FAM184B: variants seen among roughly 807,000 people sequenced by gnomAD.
FAM184B encodes family with sequence similarity 184 member B, also known as protein FAM184B.
In FAM184B, 111 loss-of-function variants were observed where a neutral mutation model predicts 135.9. The ratio of observed to expected loss-of-function variants is 0.82; its 90% CI spans 0.70 to 0.96. The LOEUF (loss-of-function observed/expected upper bound fraction) is 0.96. Among genes scored for constraint, FAM184B ranks in the 40% least tolerant of loss-of-function variants. The probability of loss-of-function intolerance (pLI) is 0.00; values close to 1 mark genes in which losing one functional copy is unlikely to be tolerated. For synonymous variants in FAM184B, 552 were observed against 524.8 expected (o/e 1.05, Z -0.71); for missense variants, 1,375 against 1,323.9 (o/e 1.04, Z -0.60).
intron 14 of FAM184B, 35 bp from the exon 15 acceptor site, chr4:17,636,680 A>G: frequency 6.9e-7 from 1 of 1,454,198 alleles, no homozygotes; most frequent in Non-Finnish European, 9.3e-7. Flanking sequence ...AGTCCCCCTT[A>G]CAGCAATTAC....
chr4:17,695,255 C>T (rs1177745239), intron 5 of FAM184B, among the ~76,000 whole-genome samples: 1 of 151,880 alleles, frequency 6.6e-6, no homozygotes, highest in Non-Finnish European at 1.5e-5. Context: ...CTTGACCACC[C>T]GGGCTCAAGC....
Position 17,688,378 on chromosome 4 carries a change from G to A in FAM184B, c.1596+46C>T, listed in dbSNP as rs375460854. 1.7e-4 allele frequency: 248 copies of A among 1,431,220 alleles called. 1 individual carries two copies. In the African/African-American group the frequency reaches 2.9e-3, roughly 17 times the overall value. The allele number at this position is 1,431,220 out of a possible 1,614,324, so 88.7% of individuals were successfully genotyped here. Reference sequence around the variant, plus strand: ...CTGGGGACACTGAAAGGCTGAGACCGAGAAAAGAAATATCTTTAATTAAAT... The same window carrying A: ...CTGGGGACACTGAAAGGCTGAGACCAAGAAAAGAAATATCTTTAATTAAAT... On this transcript the variant is annotated intron_variant, in intron 7 of 17. Transcript: ENST00000265018.
intron 14 of FAM184B, among the ~76,000 whole-genome samples, chr4:17,637,037 C>CT (rs1715163508): frequency 6.6e-6 from 1 of 151,618 alleles, no homozygotes; most frequent in Admixed American, 6.6e-5. Context: ...CCTTTTTTTT[C>CT]TTTTTTGGAG....
intron 5 of FAM184B, among the ~76,000 whole-genome samples, chr4:17,694,572 A>C (rs1716811890): frequency 6.6e-6 from 1 of 152,036 alleles, no homozygotes; most frequent in African/African-American, 2.4e-5. Context: ...GTTCTAGCTT[A>C]ATTTCTGTGG....
chr4:17,720,522 C>T (rs1203089648), intron 1 of FAM184B, among the ~76,000 whole-genome samples: 1 of 151,782 alleles, frequency 6.6e-6, no homozygotes, highest in Non-Finnish European at 1.5e-5. Context: ...AAAATTGGAG[C>T]CCCTGTACAT....
At chr4:17,649,280 GGAT>G (rs1715543750) in intron 11 of FAM184B, among the ~76,000 whole-genome samples, 1 of 152,074 alleles carries the variant, frequency 6.6e-6, no homozygotes, top group Non-Finnish European at 1.5e-5. Flanking sequence ...TAGTGTATTT[GGAT>G]GATATTAAGA....
Position 17,632,325 on chromosome 4 carries a change from T to C in FAM184B, c.*207A>G. ...CCTGGACTCAAGCAGTCCATCTGCC[T>C]CAGCCTCCCAAAGTGATGGGATTAC... On this transcript the variant is annotated 3_prime_UTR_variant, in exon 18 of 18. Coordinates refer to ENST00000265018, the MANE Select transcript of FAM184B (RefSeq NM_015688.2). 2.6e-6 allele frequency: 1 copy of C among 381,318 alleles called. No individual in the cohort carries two copies. Among genetic ancestry groups the C allele is most frequent in the South Asian group, 3.6e-5 (1 of 27,876 alleles). 23.6% of individuals were successfully genotyped at this position (381,318 alleles called of 1,614,324 possible).
At chr4:17,645,700 T>C (rs1364593536) in intron 12 of FAM184B, among the ~76,000 whole-genome samples, 11 of 151,962 alleles carry the variant, frequency 7.2e-5, no homozygotes, top group Non-Finnish European at 1.6e-4. Flanking sequence ...CCAAAAGCAA[T>C]GGCAACAAAA....
intron 8 of FAM184B, among the ~76,000 whole-genome samples, chr4:17,663,740 C>T (rs1715974790): frequency 6.6e-6 from 1 of 151,932 alleles, no homozygotes; most frequent in Non-Finnish European, 1.5e-5. Context: ...TTGCCCCCAC[C>T]CAAATCTCAT....
chr4:17,757,085 G>A (rs1257464032), intron 1 of FAM184B, among the ~76,000 whole-genome samples: 2 of 152,142 alleles, frequency 1.3e-5, no homozygotes, highest in African/African-American at 4.8e-5. Context: ...TTGCTATGAA[G>A]TGTTCTTGCC....
At chr4:17,646,455 T>A (rs1312788687) in intron 12 of FAM184B, among the ~76,000 whole-genome samples, 1 of 152,042 alleles carries the variant, frequency 6.6e-6, no homozygotes, top group Non-Finnish European at 1.5e-5. Flanking sequence ...CTGGAAACCA[T>A]CATTCTCAGC....
chr4:17,647,865 C>T, intron 11 of FAM184B, 74 bp from the exon 12 acceptor site: 1 of 1,427,566 alleles, frequency 7.0e-7, no homozygotes, highest in Non-Finnish European at 9.4e-7. Flanking sequence ...ACAACAGTCT[C>T]TGGGGTGGGG....
At chr4:17,702,730 C>T (rs1221730949) in intron 5 of FAM184B, among the ~76,000 whole-genome samples, 1 of 152,202 alleles carries the variant, frequency 6.6e-6, no homozygotes, top group African/African-American at 2.4e-5. Context: ...CAGGTGGACT[C>T]ATGCCCCCTA....
chr4:17,632,109 C>G lies in FAM184B; in HGVS notation c.*423G>C. 8.0e-6 allele frequency: 1 copy of G among 125,490 alleles called. No individual in the cohort carries two copies. The highest frequency in any genetic ancestry group is 1.6e-5 in the Non-Finnish European group (1 of 61,428). 7.8% of individuals were successfully genotyped at this position (125,490 alleles called of 1,614,324 possible). On this transcript the variant is annotated 3_prime_UTR_variant, in exon 18 of 18. Transcript: ENST00000265018. ...TTTTGGAGACAGGGTCTCCCTCTGT[C>G]ACCCAGGCTGGTTGGAATGCAGGAG...
chr4:17,686,496 G>A (rs550918868), intron 7 of FAM184B, among the ~76,000 whole-genome samples: 158 of 152,334 alleles, frequency 1.0e-3, no homozygotes, highest in Non-Finnish European at 1.7e-3. Flanking sequence ...AGGCATCCTG[G>A]GCATGTGCTG....
chr4:17,640,078 C>T (rs938431086), intron 13 of FAM184B, among the ~76,000 whole-genome samples: 7 of 143,776 alleles, frequency 4.9e-5, no homozygotes, highest in African/African-American at 7.4e-5. Context: ...GTGATCCATG[C>T]GCTTCAGCCT....
At chr4:17,636,182 T>A (rs1715129012) in intron 15 of FAM184B, among the ~76,000 whole-genome samples, 1 of 152,318 alleles carries the variant, frequency 6.6e-6, no homozygotes, top group South Asian at 2.1e-4. Flanking sequence ...GCTGGCTCAC[T>A]GCAACCTCTG....
chr4:17,679,470 A>G (rs1716388476), intron 7 of FAM184B, among the ~76,000 whole-genome samples: 1 of 152,222 alleles, frequency 6.6e-6, no homozygotes, highest in African/African-American at 2.4e-5. Context: ...CCACCCTGTG[A>G]TACCACCTTA....
intron 1 of FAM184B, among the ~76,000 whole-genome samples, chr4:17,773,732 C>G (rs1718868611): frequency 6.6e-6 from 1 of 152,112 alleles, no homozygotes; most frequent in African/African-American, 2.4e-5. Context: ...CATGCGCCAC[C>G]ACACTTGGCT....
Sources: allele counts gnomAD v4.1 joint callset (sites outside exome capture counted in the v4.1 genomes callset), GRCh38; gene constraint gnomAD v4.1.1; transcripts MANE v1.5; gene names NCBI Gene and HGNC (gene_info 2026-07-23, HGNC 2026-07-21).